The following PABPC4L variants were observed in gnomAD, a reference collection of about 807,000 sequenced individuals.
PABPC4L encodes the protein polyadenylate-binding protein 4-like.
For missense variants in PABPC4L, 452 were observed against 451.4 expected (o/e 1.00, Z -0.01); for synonymous variants, 169 against 164.1 (o/e 1.03, Z -0.23).
chr4:133,999,833 T>C, the PABPC4L span, among the ~76,000 whole-genome samples: 1 of 152,098 alleles, frequency 6.6e-6, no homozygotes, highest in South Asian at 2.1e-4. Flanking sequence ...CCAATGCAAA[T>C]CTGCCCAGGG....
chr4:134,176,716 C>T, the PABPC4L span, among the ~76,000 whole-genome samples: 1 of 152,030 alleles, frequency 6.6e-6, no homozygotes, highest in African/African-American at 2.4e-5. Context: ...TGGGTGCTAG[C>T]ATGTTTGGGC....
chr4:134,194,395 C>G (rs1204793618), downstream of PABPC4L, among the ~76,000 whole-genome samples: 2 of 151,616 alleles, frequency 1.3e-5, no homozygotes, highest in Non-Finnish European at 3.0e-5. Flanking sequence ...GCACTTGTAT[C>G]TTGATTTTTC....
chr4:134,079,599 A>AAAC, the PABPC4L span, among the ~76,000 whole-genome samples: 1 of 95,020 alleles, frequency 1.1e-5, no homozygotes, highest in Non-Finnish European at 2.1e-5. Context: ...AAAAAAAAAA[A>AAAC]AAAAAAAAAA....
the PABPC4L span, among the ~76,000 whole-genome samples, chr4:134,190,206 ATCTG>A: frequency 6.6e-5 from 10 of 152,154 alleles, no homozygotes; most frequent in East Asian, 1.9e-3. Flanking sequence ...GATTCTCTTT[ATCTG>A]TCTATCTGCC....
At chr4:134,056,866 T>C in the PABPC4L span, among the ~76,000 whole-genome samples, 1 of 152,010 alleles carries the variant, frequency 6.6e-6, no homozygotes, top group African/African-American at 2.4e-5. Context: ...TGGCTGTGTA[T>C]CTTTATTATT....
chr4:134,008,613 A>G, the PABPC4L span, among the ~76,000 whole-genome samples: 1 of 152,004 alleles, frequency 6.6e-6, no homozygotes, highest in South Asian at 2.1e-4. Context: ...GTAGAAATAG[A>G]TCAAATTTAG....
the PABPC4L span, among the ~76,000 whole-genome samples, chr4:133,954,269 G>A: frequency 6.6e-6 from 1 of 152,152 alleles, no homozygotes; most frequent in Non-Finnish European, 1.5e-5. Flanking sequence ...GATTTTCAAT[G>A]GGTGAGCGCT....
chr4:134,003,768 A>G, the PABPC4L span, among the ~76,000 whole-genome samples: 1 of 151,888 alleles, frequency 6.6e-6, no homozygotes, highest in East Asian at 1.9e-4. Flanking sequence ...TGGGAGCATC[A>G]AGAAATCTTT....
the PABPC4L span, among the ~76,000 whole-genome samples, chr4:134,117,315 C>T: frequency 3.3e-5 from 5 of 151,780 alleles, no homozygotes; most frequent in South Asian, 1.0e-3. Flanking sequence ...GGAACATTCA[C>T]TTTTAGAGCT....
the PABPC4L span, among the ~76,000 whole-genome samples, chr4:134,063,476 A>G: frequency 1.3e-5 from 2 of 152,076 alleles, no homozygotes; most frequent in Non-Finnish European, 2.9e-5. Flanking sequence ...TACATGGGTA[A>G]CCTAAATTAA....
At chr4:134,190,610 G>T in the PABPC4L span, among the ~76,000 whole-genome samples, 1,689 of 151,994 alleles carry the variant, frequency 0.011, 32 homozygotes, top group African/African-American at 0.036. Context: ...CATAAGTTTG[G>T]ATAGTTTATA....
chr4:133,964,250 C>A, the PABPC4L span, among the ~76,000 whole-genome samples: 1 of 151,888 alleles, frequency 6.6e-6, no homozygotes, highest in African/African-American at 2.4e-5. Context: ...AAAAATACAA[C>A]CTTCCTAGCT....
At chr4:133,962,159 G>A in the PABPC4L span, among the ~76,000 whole-genome samples, 1 of 152,274 alleles carries the variant, frequency 6.6e-6, no homozygotes. Context: ...CCTTCCCTCT[G>A]ACAGAGTTAA....
the PABPC4L span, among the ~76,000 whole-genome samples, chr4:134,105,055 C>T: frequency 6.6e-6 from 1 of 151,742 alleles, no homozygotes; most frequent in Admixed American, 6.6e-5. Flanking sequence ...GTATAAAGTG[C>T]AACAAAAATT....
At chr4:134,129,307 T>G in the PABPC4L span, among the ~76,000 whole-genome samples, 1 of 152,068 alleles carries the variant, frequency 6.6e-6, no homozygotes, top group Non-Finnish European at 1.5e-5. Context: ...ACTTAGACTA[T>G]ACCCTAGAAC....
the PABPC4L span, among the ~76,000 whole-genome samples, chr4:134,068,739 C>T: frequency 6.7e-6 from 1 of 150,058 alleles, no homozygotes; most frequent in Admixed American, 6.6e-5. Flanking sequence ...GACAGGGTCT[C>T]GCTCTGTTGC....
the PABPC4L span, among the ~76,000 whole-genome samples, chr4:134,098,250 G>A: frequency 6.6e-6 from 1 of 151,656 alleles, no homozygotes; most frequent in African/African-American, 2.4e-5. Flanking sequence ...TATGAATATA[G>A]TGTAATATTT....
At chr4:134,043,474 G>A in the PABPC4L span, among the ~76,000 whole-genome samples, 1 of 151,906 alleles carries the variant, frequency 6.6e-6, no homozygotes, top group Non-Finnish European at 1.5e-5. Flanking sequence ...CTATTATGTT[G>A]GTGCAAAAGT....
At chr4:134,112,572 ATC>A in the PABPC4L span, among the ~76,000 whole-genome samples, 284 of 43,570 alleles carry the variant, frequency 6.5e-3, 1 homozygote, top group Non-Finnish European at 1.0e-2. Flanking sequence ...CCACGTAACT[ATC>A]TATCTATCTA....
Sources: allele counts gnomAD v4.1 joint callset (sites outside exome capture counted in the v4.1 genomes callset), GRCh38; gene constraint gnomAD v4.1.1; transcripts MANE v1.5; gene names NCBI Gene and HGNC (gene_info 2026-07-23, HGNC 2026-07-21).